IFNAR2: variants seen among roughly 807,000 people sequenced by gnomAD.
IFNAR2 encodes interferon alpha/beta receptor 2.
A neutral mutation model predicts 49.4 loss-of-function variants in IFNAR2; 30 were observed. The observed-to-expected ratio is 0.61, with a 90% CI of 0.45 to 0.82. The LOEUF (loss-of-function observed/expected upper bound fraction) is 0.82. Ranked by LOEUF, IFNAR2 falls within the 40% of genes least tolerant of loss-of-function variation. The pLI is 0.00. For missense variants in IFNAR2, 600 were observed against 622.7 expected (o/e 0.96, Z 0.39); for synonymous variants, 224 against 234.5 (o/e 0.96, Z 0.41).
chr21:33,256,457 C>T (rs1047913734), intron 7 of IFNAR2, among the ~76,000 whole-genome samples: 1 of 152,164 alleles, frequency 6.6e-6, no homozygotes, highest in Non-Finnish European at 1.5e-5. Flanking sequence ...CTCAACCAGC[C>T]AAACTCAGAA....
Position 33,230,073 on chromosome 21 carries a change from C to G in IFNAR2, c.-227C>G. 1 of 987,366 alleles carries G rather than the reference C, an allele frequency of 1.0e-6. No homozygotes were observed. The highest frequency in any genetic ancestry group is 1.7e-5 in the African/African-American group (1 of 57,362). The allele number at this position is 987,366 out of a possible 1,614,324, so 61.2% of individuals were successfully genotyped here. On this transcript the variant is annotated 5_prime_UTR_variant, in exon 1 of 9. Coordinates refer to ENST00000342136, the MANE Select transcript of IFNAR2 (RefSeq NM_001289125.3). The surrounding 1 kb of genome is among the most constrained non-coding windows in gnomAD (Gnocchi z 5.5). ...GCGGACCACCACCCGGCCGCACGGG[C>G]CGCTTTTGTCCCCCGCCCGCCGCTT... is the stretch of plus-strand genomic sequence containing the variant.
chr21:33,263,036 C>T lies in IFNAR2; in HGVS notation c.1084C>T (p.Pro362Ser), dbSNP rs1441207963. Residue 362 changes from proline to serine, a missense_variant, in exon 9 of 9, where the codon CCG (proline) becomes TCG (serine). By Grantham distance (74) the Pro-to-Ser change is moderately conservative (BLOSUM62 -1). Transcript: ENST00000342136. ...CTCTACAGAATCCCAGTTGATAGAC[C>T]CGGAGTCCGAGGAGGAGCCTGACCT... ...ATSTESQLID[P>S]ESEEEPDLPE... 1 of 1,613,994 alleles carries T rather than the reference C, an allele frequency of 6.2e-7. No homozygotes were observed. Among genetic ancestry groups the T allele is most frequent in the Admixed American group, 1.7e-5 (1 of 59,988 alleles).
intron 1 of IFNAR2, among the ~76,000 whole-genome samples, chr21:33,238,132 G>A (rs760301507): frequency 5.3e-5 from 8 of 152,084 alleles, no homozygotes; most frequent in Non-Finnish European, 8.8e-5. Flanking sequence ...ATGCAAGTTA[G>A]CTCCCTGCTA....
At chr21:33,251,609 A>G (rs1036239069) in intron 6 of IFNAR2, 52 of 985,288 alleles carry the variant, frequency 5.3e-5, no homozygotes, top group Non-Finnish European at 8.4e-6. Flanking sequence ...TTACAGAAAA[A>G]CATCATTACT....
intron 2 of IFNAR2, among the ~76,000 whole-genome samples, chr21:33,242,438 A>C (rs1005588830): frequency 3.7e-4 from 56 of 152,246 alleles, no homozygotes; most frequent in African/African-American, 1.3e-3. Flanking sequence ...TTGATGTTAA[A>C]GATCTCGTGT....
At chr21:33,262,490 T>A (rs1988672404) in intron 8 of IFNAR2, 3 of 664,690 alleles carry the variant, frequency 4.5e-6, no homozygotes, top group Non-Finnish European at 8.2e-6. Flanking sequence ...CTGTTAGCTG[T>A]TATTATTGCT....
Position 33,230,655 on chromosome 21 carries a change from C to G in IFNAR2, c.-84+439C>G, listed in dbSNP as rs1985987987. Reference sequence around the variant, plus strand: ...GGGTGCTCAGGTTCGGGATCTCCAGCCCGCCCCCTTGAGGTCCCCTGGGAT... The same window carrying G: ...GGGTGCTCAGGTTCGGGATCTCCAGGCCGCCCCCTTGAGGTCCCCTGGGAT... On this transcript the variant is annotated intron_variant, in intron 1 of 8. Transcript: ENST00000342136. This position sits in a 1 kb window ranked among gnomAD's most constrained non-coding sequence, Gnocchi z 5.5. The G allele has an allele frequency of 1.1e-5, 5 of 464,302 alleles. No individual in the cohort carries two copies. Among genetic ancestry groups the G allele is most frequent in the South Asian group, 7.8e-5 (5 of 63,742 alleles). The allele number at this position is 464,302 out of a possible 1,614,324, so 28.8% of individuals were successfully genotyped here.
chr21:33,257,711 C>T (rs927271266), intron 7 of IFNAR2, among the ~76,000 whole-genome samples: 1 of 152,184 alleles, frequency 6.6e-6, no homozygotes, highest in Non-Finnish European at 1.5e-5. Context: ...CCTCACTCCA[C>T]CCAGGAAGTC....
Position 33,263,634 on chromosome 21 carries a change from C to A in IFNAR2, c.*134C>A. ...GAGGAAACTGTGGTGTTCCTTTCTT[C>A]CAGGTGACATCACCTATGCACATTC... On this transcript the variant is annotated 3_prime_UTR_variant, in exon 9 of 9. Coordinates refer to ENST00000342136, the MANE Select transcript of IFNAR2 (RefSeq NM_001289125.3). 1 of 766,206 alleles carries A rather than the reference C, an allele frequency of 1.3e-6. No homozygotes were observed. Among genetic ancestry groups the A allele is most frequent in the Non-Finnish European group, 2.1e-6 (1 of 487,414 alleles). The allele number at this position is 766,206 out of a possible 1,614,324, so 47.5% of individuals were successfully genotyped here. A position where few individuals can be genotyped will look rare whatever the true frequency, so the allele number is the denominator to read the frequency against.
chr21:33,248,297 A>G (rs1987585489), intron 5 of IFNAR2, among the ~76,000 whole-genome samples: 1 of 146,288 alleles, frequency 6.8e-6, no homozygotes, highest in Admixed American at 6.9e-5. Flanking sequence ...ACTTGAGCTC[A>G]GGAGTTCAAG....
At chr21:33,234,534 C>G (rs1297543770) in intron 1 of IFNAR2, among the ~76,000 whole-genome samples, 1 of 152,124 alleles carries the variant, frequency 6.6e-6, no homozygotes, top group Non-Finnish European at 1.5e-5. Flanking sequence ...GAAGGAAAGA[C>G]ACAGCCATAC....
chr21:33,230,195 C>T lies in IFNAR2; in HGVS notation c.-105C>T, dbSNP rs1030774781. 4.9e-5 allele frequency: 51 copies of T among 1,030,364 alleles called. No individual in the cohort carries two copies. Among genetic ancestry groups the T allele is most frequent in the Non-Finnish European group, 5.7e-5 (49 of 854,860 alleles). 63.8% of individuals were successfully genotyped at this position (1,030,364 alleles called of 1,614,324 possible). ...GCCCGAGGCTAGCATCTCTCGGGAG[C>T]CGCAAGGCGAGAGCTGCAAAGGTAA... is the stretch of plus-strand genomic sequence containing the variant. On this transcript the variant is annotated 5_prime_UTR_variant, in exon 1 of 9. Transcript: ENST00000342136. This position sits in a 1 kb window ranked among gnomAD's most constrained non-coding sequence, Gnocchi z 5.5.
At chr21:33,255,322 C>G (rs1988134364) in intron 7 of IFNAR2, among the ~76,000 whole-genome samples, 1 of 152,152 alleles carries the variant, frequency 6.6e-6, no homozygotes, top group African/African-American at 2.4e-5. Context: ...AGGCTCAGTC[C>G]CACAAAACTG....
chr21:33,256,844 A>C (rs922528414), intron 7 of IFNAR2, among the ~76,000 whole-genome samples: 1 of 152,208 alleles, frequency 6.6e-6, no homozygotes, highest in Non-Finnish European at 1.5e-5. Context: ...TAAAATAGAC[A>C]GTATGTTAAG....
intron 1 of IFNAR2, among the ~76,000 whole-genome samples, chr21:33,235,991 C>A (rs1357356925): frequency 2.0e-5 from 3 of 152,044 alleles, no homozygotes; most frequent in African/African-American, 7.2e-5. Flanking sequence ...TATTGCAGTT[C>A]TTTATATTAT....
At chr21:33,234,799 C>T in intron 1 of IFNAR2, 3 of 964,202 alleles carry the variant, frequency 3.1e-6, no homozygotes, top group Non-Finnish European at 3.7e-6. Context: ...GTTGGCTTCG[C>T]ACAGGATGGA....
intron 6 of IFNAR2, chr21:33,251,694 A>G (rs1987847218): frequency 1.0e-6 from 1 of 985,002 alleles, no homozygotes; most frequent in South Asian, 4.7e-5. Context: ...AAACTGTAAA[A>G]CATGATACAA....
Position 33,263,806 on chromosome 21 carries a change from C to A in IFNAR2, c.*306C>A. 3.1e-6 allele frequency: 1 copy of A among 322,626 alleles called. No homozygotes were observed. Among genetic ancestry groups the A allele is most frequent in the South Asian group, 4.7e-5 (1 of 21,258 alleles). 20.0% of individuals were successfully genotyped at this position (322,626 alleles called of 1,614,324 possible). A position where few individuals can be genotyped will look rare whatever the true frequency, so the allele number is the denominator to read the frequency against. On this transcript the variant is annotated 3_prime_UTR_variant, in exon 9 of 9. Coordinates refer to ENST00000342136, the MANE Select transcript of IFNAR2 (RefSeq NM_001289125.3). ...GTCTACCAGGGAGCAGGGTTCCCCA[C>A]AGTTTCAGAGGTGGTCCAGGACCCT...
intron 5 of IFNAR2, among the ~76,000 whole-genome samples, chr21:33,248,102 G>T (rs1601804262): frequency 6.6e-6 from 1 of 152,280 alleles, no homozygotes; most frequent in Non-Finnish European, 1.5e-5. Flanking sequence ...GGTTTAGAGG[G>T]AATACAAAGA....
Sources: gnomAD v4.1 joint callset for allele counts (sites outside exome capture counted in the v4.1 genomes callset) on GRCh38, gnomAD v4.1.1 for gene constraint, Gnocchi (gnomAD v3.1) non-coding constraint, MANE v1.5 for transcripts, NCBI Gene and HGNC (gene_info 2026-07-23, HGNC 2026-07-21) for gene names.